Variants in COBL observed in about 807,000 individuals in gnomAD.
COBL encodes protein cordon-bleu.
In COBL, 51 loss-of-function variants were observed where a neutral mutation model predicts 98.8. That is an observed-to-expected ratio of 0.52 (90% CI 0.41 to 0.65). The LOEUF is 0.65. Among genes scored for constraint, COBL ranks in the 30% least tolerant of loss-of-function variants. The pLI is 0.00. For synonymous variants in COBL, 634 were observed against 651.7 expected, an observed-to-expected ratio of 0.97 and a Z score of 0.41; for missense variants, 1,617 against 1,617.5, an observed-to-expected ratio of 1.00 and a Z score of 0.01.
At chr7:51,290,431 A>AT (rs1451881587) in intron 1 of COBL, among the ~76,000 whole-genome samples, 3 of 152,220 alleles carry the variant, frequency 2.0e-5, no homozygotes, top group Non-Finnish European at 2.9e-5. Flanking sequence ...CACAACTCAG[A>AT]TTGCTGGCTT....
intron 1 of COBL, among the ~76,000 whole-genome samples, chr7:51,231,392 C>T (rs960108553): frequency 6.6e-6 from 1 of 152,332 alleles, no homozygotes; most frequent in East Asian, 1.9e-4. Context: ...GCCTCCTCCC[C>T]TCACCTGGTG....
chr7:51,027,856 T>C lies in COBL; in HGVS notation c.3240A>G (p.Thr1080=), dbSNP rs1210018560. ...PSVFSTDGNE[T]DSIWPPSIFG... ...AAATGCTGGGTGGCCAAATACTGTC[T>C]GTTTCATTTCCATCTGTAGAGAACA... The change falls in exon 10 of 13, where the codon ACA becomes ACG. Residue 1080 remains threonine, a synonymous_variant. Coordinates refer to ENST00000265136, the MANE Select transcript of COBL (RefSeq NM_015198.5). 1 of 1,614,242 alleles carries C rather than the reference T, an allele frequency of 6.2e-7. No homozygotes were observed. Among genetic ancestry groups the C allele is most frequent in the Non-Finnish European group, 8.5e-7 (1 of 1,180,048 alleles).
rs1375984403 is a variant in COBL at position 51,025,315 on chromosome 7, G to A, written c.3562C>T (p.Gln1188Ter). 28 of 1,612,778 alleles carry A rather than the reference G, an allele frequency of 1.7e-5. No individual in the cohort carries two copies. Among genetic ancestry groups the A allele is most frequent in the Non-Finnish European group, 2.1e-5 (25 of 1,179,654 alleles). Residue 1188 changes from glutamine to a stop codon, truncating the protein, a stop_gained, in exon 12 of 13, where the codon CAG becomes TAG. Transcript: ENST00000265136. LOFTEE classifies it high-confidence loss of function. ...QSFRDAALSA[Q>*]GSESPLLEDL... Reference sequence around the variant, plus strand: ...TCTAGCAGAGGACTTTCCGAGCCCTGAGCAGAGAGTGCGGCATCTCGGAAG... The same window carrying A: ...TCTAGCAGAGGACTTTCCGAGCCCTAAGCAGAGAGTGCGGCATCTCGGAAG...
At chr7:51,281,696 C>T (rs1378830675) in intron 1 of COBL, among the ~76,000 whole-genome samples, 1 of 151,258 alleles carries the variant, frequency 6.6e-6, no homozygotes, top group East Asian at 1.9e-4. Flanking sequence ...TAAATATATC[C>T]TTCAAGTATG....
Position 51,030,842 on chromosome 7 carries a change from T to G in COBL, c.1474A>C (p.Thr492Pro). Residue 492 changes from threonine to proline, a missense_variant, in exon 9 of 13, where the codon ACC (threonine) becomes CCC (proline). Thr to Pro is a conservative substitution (Grantham distance 38). Around this residue, in one of 3 missense-constraint regions of COBL, gnomAD observed 1,304 missense variants for 1,282.0 expected, o/e 1.02. Coordinates refer to ENST00000265136, the MANE Select transcript of COBL (RefSeq NM_015198.5). ...AGGTCTTCATCAAGTTCTGCAAGGG[T>G]TTTACGGAACTCTCCAGCAATTAAT... ...DLLIAGEFRK[T>P]LAELDEDLEE... The G allele has an allele frequency of 6.2e-7, 1 of 1,611,956 alleles. No individual in the cohort carries two copies. Among genetic ancestry groups the G allele is most frequent in the Non-Finnish European group, 8.5e-7 (1 of 1,179,216 alleles).
At chr7:51,083,155 T>TGGGGGGGGGGGGGGG in intron 7 of COBL, 6 of 605,110 alleles carry the variant, frequency 9.9e-6, no homozygotes, top group Non-Finnish European at 1.4e-5. Flanking sequence ...AGGGCGGGGG[T>TGGGGGGGGGGGGGGG]GGGGGAAGCA....
At chr7:51,115,871 T>A (rs2128983614) in intron 6 of COBL, among the ~76,000 whole-genome samples, 1 of 152,218 alleles carries the variant, frequency 6.6e-6, no homozygotes, top group African/African-American at 2.4e-5. Context: ...TTTTGTCAAA[T>A]CTTCATGTAT....
Position 51,219,864 on chromosome 7 carries a change from T to TG in COBL, c.121dup (p.His41ProfsTer31), listed in dbSNP as rs778516787. ...CTGCTGCGACCCGAGGGCCCCATCGTGGGGGGGCTTCTGGTCACTGTGCAC... is the reference window on the plus strand; with the variant it reads ...CTGCTGCGACCCGAGGGCCCCATCGTGGGGGGGGCTTCTGGTCACTGTGCAC... On this transcript the variant is annotated frameshift_variant, in exon 2 of 13. Coordinates refer to ENST00000265136, the MANE Select transcript of COBL (RefSeq NM_015198.5). LOFTEE classifies it high-confidence loss of function. 1.7e-5 allele frequency: 27 copies of TG among 1,613,242 alleles called. No individual in the cohort carries two copies. Among genetic ancestry groups the TG allele is most frequent in the Admixed American group, 3.3e-5 (2 of 59,992 alleles).
intron 7 of COBL, among the ~76,000 whole-genome samples, chr7:51,064,160 A>G (rs1004223631): frequency 6.6e-6 from 1 of 152,216 alleles, no homozygotes; most frequent in Admixed American, 6.5e-5. Flanking sequence ...GCCTAAGCCA[A>G]TGGGTGTGTG....
intron 1 of COBL, among the ~76,000 whole-genome samples, chr7:51,245,692 T>C (rs1036686140): frequency 4.6e-5 from 7 of 152,246 alleles, no homozygotes; most frequent in Non-Finnish European, 2.9e-5. Flanking sequence ...GATAGTACAG[T>C]GTATGGTCTC....
At chr7:51,304,923 C>T (rs1023959358) in intron 1 of COBL, among the ~76,000 whole-genome samples, 1 of 152,106 alleles carries the variant, frequency 6.6e-6, no homozygotes, top group Non-Finnish European at 1.5e-5. Context: ...GGGCCTTGTC[C>T]TTCCACTCAC....
chr7:51,067,546 A>C (rs1792065647), intron 7 of COBL, among the ~76,000 whole-genome samples: 1 of 152,212 alleles, frequency 6.6e-6, no homozygotes, highest in South Asian at 2.1e-4. Context: ...GTATGTGTGC[A>C]TGTATACACA....
chr7:51,191,265 A>T (rs1188127825), intron 3 of COBL, among the ~76,000 whole-genome samples, 187 bp from the exon 4 acceptor site: 1 of 152,160 alleles, frequency 6.6e-6, no homozygotes, highest in African/African-American at 2.4e-5. Flanking sequence ...AGAATAATAA[A>T]TCTGGTTTAG....
intron 1 of COBL, among the ~76,000 whole-genome samples, chr7:51,251,938 G>T (rs182939354): frequency 0.019 from 2,845 of 152,188 alleles, 85 homozygotes; most frequent in African/African-American, 0.064. Context: ...GCACTCTAAA[G>T]TCCTTTAGCA....
intron 5 of COBL, among the ~76,000 whole-genome samples, chr7:51,169,071 A>C (rs886090907): frequency 2.0e-5 from 3 of 152,096 alleles, no homozygotes; most frequent in Non-Finnish European, 4.4e-5. Context: ...CTCAGACCTT[A>C]AGTCTGCTAG....
At chr7:51,062,453 G>A (rs551783655) in intron 7 of COBL, among the ~76,000 whole-genome samples, 137 of 152,224 alleles carry the variant, frequency 9.0e-4, no homozygotes, top group Non-Finnish European at 1.7e-3. Flanking sequence ...ATGGTGTCCC[G>A]GCGCTCGGCT....
chr7:51,170,526 T>TATATATATATATAA (rs1554413474), intron 5 of COBL, among the ~76,000 whole-genome samples: 2 of 146,920 alleles, frequency 1.4e-5, no homozygotes, highest in African/African-American at 5.0e-5. Flanking sequence ...TATATATATA[T>TATATATATATATAA]ATATAAATAT....
In COBL at chr7:51,026,602, G is replaced by C; in HGVS notation, c.3448C>G (p.Arg1150Gly). Residue 1150 changes from arginine (R) to glycine (G), a missense_variant, in exon 11 of 13, where the codon CGA becomes GGA. Arg to Gly is a moderately radical substitution (Grantham distance 125). This residue lies in a region of COBL where 1,304 missense variants were observed against 1,282.0 expected (regional missense o/e 1.02). Transcript: ENST00000265136. ...KLSYTEAEGE[R>G]SALLAAIRGH... is the part of the protein sequence containing the mutation. ...CGGATAGCTGCCAGCAGTGCAGATC[G>C]TTCGCCCTCTGCCTCCGTGTAGGAC... 1 of 1,614,122 alleles carries C rather than the reference G, an allele frequency of 6.2e-7. No homozygotes were observed. Among genetic ancestry groups the C allele is most frequent in the Middle Eastern group, 1.7e-4 (1 of 6,060 alleles).
intron 1 of COBL, among the ~76,000 whole-genome samples, chr7:51,242,355 T>C (rs923389690): frequency 6.6e-6 from 1 of 152,224 alleles, no homozygotes; most frequent in Non-Finnish European, 1.5e-5. Flanking sequence ...ACTCCAACCC[T>C]GTGGAATGTA....
Sources: allele counts gnomAD v4.1 joint callset (sites outside exome capture counted in the v4.1 genomes callset), GRCh38; gene constraint gnomAD v4.1.1; regional missense constraint gnomAD v4.1.1; transcripts MANE v1.5; gene names NCBI Gene and HGNC (gene_info 2026-07-23, HGNC 2026-07-21).